The following ZNF536 variants were observed in gnomAD, a reference collection of about 807,000 sequenced individuals.
The protein encoded by ZNF536 is zinc finger protein 536.
Under a neutral mutation model 84.5 loss-of-function variants are expected in ZNF536, and 13 were observed. That is an observed-to-expected ratio of 0.15 (90% CI 0.10 to 0.24). The LOEUF (loss-of-function observed/expected upper bound fraction) is 0.24. Ranked by LOEUF, ZNF536 falls within the 10% of genes least tolerant of loss-of-function variation. The probability of loss-of-function intolerance (pLI) is 1.00; values close to 1 mark genes in which losing one functional copy is unlikely to be tolerated. For missense variants in ZNF536, 1,536 were observed against 1,747.5 expected (o/e 0.88, Z 2.16); for synonymous variants, 811 against 742.5 (o/e 1.09, Z -1.50).
chr19:30,448,730 C>A (rs1463004737), intron 2 of ZNF536, among the ~76,000 whole-genome samples: 1 of 152,136 alleles, frequency 6.6e-6, no homozygotes, highest in Non-Finnish European at 1.5e-5. Context: ...TTTACAGAGC[C>A]TCTTAGAACA....
intron 1 of ZNF536, among the ~76,000 whole-genome samples, chr19:30,686,118 A>G (rs796795350): frequency 7.9e-5 from 12 of 152,160 alleles, no homozygotes; most frequent in African/African-American, 2.9e-4. Flanking sequence ...CAGCTTCTGC[A>G]TTTACTCCCC....
intron 3 of ZNF536, among the ~76,000 whole-genome samples, chr19:30,543,022 T>C (rs1455171822): frequency 2.0e-5 from 3 of 152,168 alleles, no homozygotes; most frequent in Non-Finnish European, 4.4e-5. Context: ...GTGTTGCCCA[T>C]GCTGGTCTTA....
chr19:30,580,950 C>A (rs2046899691), intron 1 of ZNF536, among the ~76,000 whole-genome samples: 1 of 152,238 alleles, frequency 6.6e-6, no homozygotes, highest in Non-Finnish European at 1.5e-5. Context: ...CCTGTAGGAG[C>A]CCATCGGTCC....
chr19:30,242,805 A>G (rs1002610080), intron 1 of ZNF536, among the ~76,000 whole-genome samples: 5 of 152,232 alleles, frequency 3.3e-5, no homozygotes, highest in Non-Finnish European at 5.9e-5. Flanking sequence ...CCGATTCGTT[A>G]CTTAAATTAT....
At chr19:30,641,446 T>A (rs1161256791) in intron 1 of ZNF536, among the ~76,000 whole-genome samples, 1 of 152,230 alleles carries the variant, frequency 6.6e-6, no homozygotes, top group Non-Finnish European at 1.5e-5. Flanking sequence ...TATATATGTG[T>A]AGTATGAAAT....
intron 2 of ZNF536, among the ~76,000 whole-genome samples, chr19:30,467,145 T>G (rs1240867795): frequency 6.6e-6 from 1 of 152,328 alleles, no homozygotes; most frequent in East Asian, 1.9e-4. Context: ...GCCTTAACCA[T>G]TTTTAAGAGC....
intron 2 of ZNF536, among the ~76,000 whole-genome samples, chr19:30,318,221 G>T (rs910432951): frequency 6.6e-6 from 1 of 152,104 alleles, no homozygotes; most frequent in African/African-American, 2.4e-5. Flanking sequence ...TTGCATATTT[G>T]CCCAGAACTG....
In ZNF536 at chr19:30,274,164, CA is replaced by C. The variant is rs1179533702; in HGVS notation, c.-189-9907del. ...TAACTTTCATTTCGACTTCAGAGAT[CA>C]GGGGGACCAACGTTTCAAGTGATAT... On this transcript the variant is annotated intron_variant, in intron 1 of 5. Coordinates refer to the ZNF536 transcript ENST00000585628. Among the ~76,000 whole-genome samples, 6 of 152,336 alleles carry C rather than the reference CA, an allele frequency of 3.9e-5. No homozygotes were observed. The South Asian group carries it at 8.3e-4, about 21-fold the overall frequency.
At chr19:30,627,427 TG>T (rs2048721478) in intron 1 of ZNF536, among the ~76,000 whole-genome samples, 1 of 126,910 alleles carries the variant, frequency 7.9e-6, no homozygotes, top group African/African-American at 3.1e-5. Context: ...GCCATGGTTG[TG>T]ACACTGCACT....
chr19:30,654,893 C>T (rs535451654), intron 1 of ZNF536, among the ~76,000 whole-genome samples: 17 of 151,938 alleles, frequency 1.1e-4, no homozygotes, highest in Admixed American at 6.6e-4. Flanking sequence ...TTTCTTTATC[C>T]CCAAGCAGCA....
chr19:30,356,217 G>A (rs183402236), intron 3 of ZNF536, among the ~76,000 whole-genome samples: 37 of 152,344 alleles, frequency 2.4e-4, no homozygotes, highest in Middle Eastern at 3.4e-3. Flanking sequence ...CCTTTAGAAA[G>A]ACCTCATGTT....
chr19:30,353,035 C>T (rs561364588), intron 3 of ZNF536, among the ~76,000 whole-genome samples: 23 of 152,216 alleles, frequency 1.5e-4, no homozygotes, highest in African/African-American at 4.8e-4. Flanking sequence ...TGCCTGACAT[C>T]GCTGAAATGT....
intron 1 of ZNF536, among the ~76,000 whole-genome samples, chr19:30,623,032 G>GTTTTTTTTTTTTTTTTT (rs1169214591): frequency 2.2e-5 from 2 of 92,918 alleles, no homozygotes; most frequent in African/African-American, 9.0e-5. Flanking sequence ...TTTTTTTTTT[G>GTTTTTTTTTTTTTTTTT]TTTTTTTGTT....
intron 3 of ZNF536, among the ~76,000 whole-genome samples, chr19:30,363,512 G>T (rs1470967107): frequency 6.6e-6 from 1 of 151,956 alleles, no homozygotes; most frequent in Non-Finnish European, 1.5e-5. Flanking sequence ...ACTCTACCCG[G>T]AACCACCATC....
intron 2 of ZNF536, among the ~76,000 whole-genome samples, chr19:30,494,970 A>AT (rs2054660897): frequency 6.8e-6 from 1 of 147,934 alleles, no homozygotes. Context: ...AAAAAAAAAA[A>AT]GCCCCCTCAG....
intron 1 of ZNF536, among the ~76,000 whole-genome samples, chr19:30,677,830 G>A (rs1600235733): frequency 6.6e-6 from 1 of 152,104 alleles, no homozygotes; most frequent in Admixed American, 6.5e-5. Flanking sequence ...CTCTGATTTG[G>A]GGGGACTTGG....
At chr19:30,622,789 G>C (rs2048530069) in intron 1 of ZNF536, among the ~76,000 whole-genome samples, 1 of 152,098 alleles carries the variant, frequency 6.6e-6, no homozygotes. Context: ...AAAGCAGGCT[G>C]CTGGCCCTGA....
chr19:30,236,436 C>G (rs931402773), intron 1 of ZNF536, among the ~76,000 whole-genome samples: 3 of 152,118 alleles, frequency 2.0e-5, no homozygotes, highest in Non-Finnish European at 4.4e-5. Context: ...TCAGCCCCCC[C>G]ACCCCACCCA....
intron 2 of ZNF536, among the ~76,000 whole-genome samples, chr19:30,464,337 C>T (rs2053289584): frequency 6.6e-6 from 1 of 152,128 alleles, no homozygotes; most frequent in South Asian, 2.1e-4. Flanking sequence ...GGGTGTCGAC[C>T]AGAGCCTGGG....
Sources: allele counts gnomAD v4.1 joint callset (sites outside exome capture counted in the v4.1 genomes callset), GRCh38; gene constraint gnomAD v4.1.1; transcripts MANE v1.5; gene names NCBI Gene and HGNC (gene_info 2026-07-23, HGNC 2026-07-21).